TRHDE: variants seen among roughly 807,000 people sequenced by gnomAD.
TRHDE encodes the protein thyrotropin-releasing hormone-degrading ectoenzyme.
A neutral mutation model predicts 125.7 loss-of-function variants in TRHDE; 72 were observed. That is an observed-to-expected ratio of 0.57 (90% CI 0.47 to 0.70). TRHDE has a LOEUF of 0.70. TRHDE is among the 30% of genes least tolerant of loss of function. The pLI, the probability that TRHDE is intolerant of heterozygous loss-of-function variation, is 0.00. For synonymous variants in TRHDE, 509 were observed against 509.1 expected (o/e 1.00, Z 0.00); for missense variants, 1,110 against 1,327.1 (o/e 0.84, Z 2.54).
intron 2 of TRHDE, among the ~76,000 whole-genome samples, chr12:72,230,968 C>T (rs1878234722): frequency 6.6e-6 from 1 of 151,904 alleles, no homozygotes; most frequent in Non-Finnish European, 1.5e-5. Context: ...ATTTTAGGAC[C>T]AAGTATTAAT....
chr12:72,189,413 A>G (rs1024950547), intron 2 of TRHDE, among the ~76,000 whole-genome samples: 7 of 152,198 alleles, frequency 4.6e-5, no homozygotes, highest in Non-Finnish European at 1.0e-4. Flanking sequence ...CCAACCCTCC[A>G]ACTTTCCTGC....
At chr12:72,386,594 C>T (rs1008557679) in intron 3 of TRHDE, among the ~76,000 whole-genome samples, 2 of 152,148 alleles carry the variant, frequency 1.3e-5, no homozygotes, top group Non-Finnish European at 2.9e-5. Flanking sequence ...TTCACTCCAG[C>T]TACTGACCCA....
intron 2 of TRHDE, among the ~76,000 whole-genome samples, chr12:72,150,700 C>T (rs1163541100): frequency 6.6e-6 from 1 of 151,984 alleles, no homozygotes; most frequent in African/African-American, 2.4e-5. Flanking sequence ...TCTCCAGCTT[C>T]ATCCATGTCC....
At chr12:72,225,795 A>G (rs1422990916) in intron 2 of TRHDE, among the ~76,000 whole-genome samples, 2 of 152,198 alleles carry the variant, frequency 1.3e-5, no homozygotes, top group African/African-American at 4.8e-5. Context: ...AAACGGGGCC[A>G]GGAAAAGAAA....
intron 6 of TRHDE, among the ~76,000 whole-genome samples, chr12:72,520,412 C>A (rs576721950): frequency 6.6e-6 from 1 of 152,134 alleles, no homozygotes; most frequent in South Asian, 2.1e-4. Flanking sequence ...TTCCAGGTGC[C>A]GACCGTCACG....
chr12:72,357,855 A>ATT (rs1285893026), intron 2 of TRHDE, among the ~76,000 whole-genome samples: 1 of 151,544 alleles, frequency 6.6e-6, no homozygotes, highest in Non-Finnish European at 1.5e-5. Flanking sequence ...AATAAAATGT[A>ATT]TTTAAAAAAA....
At chr12:72,579,507 G>T (rs1026350150) in intron 12 of TRHDE, among the ~76,000 whole-genome samples, 1 of 151,970 alleles carries the variant, frequency 6.6e-6, no homozygotes, top group Admixed American at 6.6e-5. Flanking sequence ...GCATGTTTTT[G>T]GATATTAATC....
intron 10 of TRHDE, among the ~76,000 whole-genome samples, chr12:72,574,740 G>T (rs776935461): frequency 1.3e-5 from 2 of 151,986 alleles, no homozygotes; most frequent in Admixed American, 6.6e-5. Flanking sequence ...TATTTTACTA[G>T]CATTATTGAT....
intron 2 of TRHDE, among the ~76,000 whole-genome samples, chr12:72,119,032 C>T (rs1290477322): frequency 6.6e-6 from 1 of 151,872 alleles, no homozygotes; most frequent in Non-Finnish European, 1.5e-5. Flanking sequence ...TTACTCATTT[C>T]AATTTCATTT....
chr12:72,376,657 A>T (rs369695225), intron 2 of TRHDE, among the ~76,000 whole-genome samples: 1 of 152,122 alleles, frequency 6.6e-6, no homozygotes, highest in East Asian at 1.9e-4. Flanking sequence ...GTTTTCCTTG[A>T]CTTCATACTC....
rs1875971682 is a variant in TRHDE at position 72,135,820 on chromosome 12, A to G, written n.279+30068A>G. On this transcript the variant is annotated intron_variant and non_coding_transcript_variant, in intron 2 of 4. Coordinates refer to the TRHDE transcript ENST00000548156. ...TCCAGGTCTTGGGCTGAGTTATGCT[A>G]CTGGGACAGATGTGCTGCCCCTGTG... Among the ~76,000 whole-genome samples, 3 of 151,870 alleles carry G rather than the reference A, an allele frequency of 2.0e-5. No homozygotes were observed. In the South Asian group the frequency reaches 6.2e-4, roughly 31 times the overall value.
chr12:72,369,176 T>C (rs187446772), intron 2 of TRHDE, among the ~76,000 whole-genome samples: 1 of 152,272 alleles, frequency 6.6e-6, no homozygotes, highest in East Asian at 1.9e-4. Context: ...GAGTAAAGGC[T>C]ACTAGGTCCC....
intron 9 of TRHDE, among the ~76,000 whole-genome samples, chr12:72,566,834 T>A (rs2136016799): frequency 1.3e-5 from 2 of 152,122 alleles, no homozygotes; most frequent in Non-Finnish European, 2.9e-5. Context: ...TACCTATAGA[T>A]GGGTTTTATG....
intron 7 of TRHDE, among the ~76,000 whole-genome samples, chr12:72,559,929 T>C (rs1870098658): frequency 6.6e-6 from 1 of 152,210 alleles, no homozygotes; most frequent in South Asian, 2.1e-4. Flanking sequence ...CAGTAACCTT[T>C]TCTTCACCAT....
chr12:72,337,155 G>A (rs543397426), intron 2 of TRHDE, among the ~76,000 whole-genome samples: 3 of 152,280 alleles, frequency 2.0e-5, no homozygotes, highest in African/African-American at 7.2e-5. Flanking sequence ...AGCCCACTTC[G>A]CTGCTTGAGT....
chr12:72,432,297 C>T (rs1298709813), intron 3 of TRHDE, among the ~76,000 whole-genome samples: 2 of 152,150 alleles, frequency 1.3e-5, no homozygotes, highest in African/African-American at 2.4e-5. Context: ...GCTGGAGCTG[C>T]TTGCTTTTAT....
At chr12:72,104,234 C>T (rs674599) in intron 1 of TRHDE, among the ~76,000 whole-genome samples, 1 of 152,194 alleles carries the variant, frequency 6.6e-6, no homozygotes, top group Non-Finnish European at 1.5e-5. Flanking sequence ...TGCTCAGTCG[C>T]TATTTATTAA....
At chr12:72,149,055 T>C (rs1876293797) in intron 2 of TRHDE, among the ~76,000 whole-genome samples, 1 of 152,184 alleles carries the variant, frequency 6.6e-6, no homozygotes, top group African/African-American at 2.4e-5. Flanking sequence ...GAAGCAGTCT[T>C]TGATTACCTT....
upstream of TRHDE, chr12:72,271,703 A>C (rs1879218015): frequency 2.9e-6 from 1 of 347,508 alleles, no homozygotes; most frequent in South Asian, 2.1e-5. Context: ...TGGCAATCTA[A>C]ACCCGAAGCC....
Sources: allele counts gnomAD v4.1 joint callset (sites outside exome capture counted in the v4.1 genomes callset), GRCh38; gene constraint gnomAD v4.1.1; transcripts MANE v1.5; gene names NCBI Gene and HGNC (gene_info 2026-07-23, HGNC 2026-07-21).